The following RNF115 variants were observed in gnomAD, a reference collection of about 807,000 sequenced individuals.
RNF115 encodes ring finger protein 115, also known as E3 ubiquitin-protein ligase RNF115.
In RNF115, 31 loss-of-function variants were observed where a neutral mutation model predicts 39.2. That is an observed-to-expected ratio of 0.79 (90% CI 0.59 to 1.07). The LOEUF is 1.07. RNF115 is among the 50% of genes least tolerant of loss of function. RNF115 has a pLI of 0.00. For synonymous variants in RNF115, 124 were observed against 131.0 expected (o/e 0.95, Z 0.37); for missense variants, 384 against 381.7 (o/e 1.01, Z -0.05).
chr1:145,786,969 T>C, intron 2 of RNF115: 1 of 853,150 alleles, frequency 1.2e-6, no homozygotes, highest in Non-Finnish European at 1.7e-6. Context: ...TATTTACACA[T>C]ATAATCACCA....
At chr1:145,764,773 C>T in intron 4 of RNF115, among the ~76,000 whole-genome samples, 1 of 149,522 alleles carries the variant, frequency 6.7e-6, no homozygotes, top group Non-Finnish European at 1.5e-5. Flanking sequence ...AGCCCCCGCC[C>T]AGCCAGCCGC....
At chr1:145,792,993 A>T (rs1648748178) in intron 1 of RNF115, among the ~76,000 whole-genome samples, 1 of 152,184 alleles carries the variant, frequency 6.6e-6, no homozygotes, top group African/African-American at 2.4e-5. Flanking sequence ...CTACCCTCCC[A>T]GAAAGCTGCA....
chr1:145,780,339 G>A (rs932006784), intron 3 of RNF115, among the ~76,000 whole-genome samples: 14 of 152,134 alleles, frequency 9.2e-5, no homozygotes, highest in African/African-American at 2.9e-4. Flanking sequence ...AGTGAAACTC[G>A]GCCGGGCGCA....
intron 4 of RNF115, among the ~76,000 whole-genome samples, chr1:145,755,873 A>G (rs1658277257): frequency 6.6e-6 from 1 of 152,210 alleles, no homozygotes; most frequent in South Asian, 2.1e-4. Flanking sequence ...CATAACATGG[A>G]AAGTAGATGT....
intron 1 of RNF115, among the ~76,000 whole-genome samples, chr1:145,809,509 T>TTTTTTTTTG: frequency 8.6e-6 from 1 of 116,092 alleles, no homozygotes; most frequent in East Asian, 2.5e-4. Flanking sequence ...TTTTTTTTTT[T>TTTTTTTTTG]GGAGACAAGA....
rs782209271 is a variant in RNF115, at chr1:145,823,857, G to A, written c.17C>T (p.Ala6Val). 11 of 1,556,828 alleles carry A rather than the reference G, an allele frequency of 7.1e-6. No individual in the cohort carries two copies. Among genetic ancestry groups the A allele is most frequent in the East Asian group, 5.1e-5 (2 of 39,000 alleles). The part of the protein sequence containing the change: MAEAS[A>V]AGADSGAAVA... ...AGCGGCGCCCGAGTCCGCCCCGGCC[G>A]CCGAAGCCTCCGCCATTTTTGCCCT... Residue 6 changes from alanine to valine, a missense_variant, in exon 1 of 9, where the codon GCG becomes GTG. Ala to Val is a moderately conservative substitution (Grantham distance 64, BLOSUM62 0). Transcript: ENST00000582693.
At chr1:145,782,359 T>C (rs1385645372) in intron 3 of RNF115, among the ~76,000 whole-genome samples, 3 of 152,124 alleles carry the variant, frequency 2.0e-5, no homozygotes, top group African/African-American at 7.2e-5. Flanking sequence ...CAGTGACACC[T>C]GCCTGTAATC....
At chr1:145,799,317 C>T (rs897696541) in intron 1 of RNF115, among the ~76,000 whole-genome samples, 3 of 152,094 alleles carry the variant, frequency 2.0e-5, no homozygotes, top group Non-Finnish European at 2.9e-5. Flanking sequence ...CCGCCTGCCT[C>T]GGCCTCCCAA....
At position 145,740,466 on chromosome 1, in the gene RNF115, G is replaced by A. The variant is rs983715052; in HGVS notation, c.*6400C>T. ...GCTTATCTCGAGACTTGGTTAAACA[G>A]AAACTTAAAATACTTGTGTCTTGGC... On this transcript the variant is annotated 3_prime_UTR_variant, in exon 9 of 9. Coordinates refer to ENST00000582693, the MANE Select transcript of RNF115 (RefSeq NM_014455.4). 3 of 152,212 alleles carry A rather than the reference G, an allele frequency of 2.0e-5. No individual in the cohort carries two copies. The highest frequency in any genetic ancestry group is 6.5e-5 in the Admixed American group (1 of 15,276). 9.4% of individuals were successfully genotyped at this position (152,212 alleles called of 1,614,324 possible). A position where few individuals can be genotyped will look rare whatever the true frequency, so the allele number is the denominator to read the frequency against.
intron 2 of RNF115, among the ~76,000 whole-genome samples, chr1:145,787,960 A>G (rs1255577459): frequency 2.0e-5 from 3 of 152,226 alleles, no homozygotes; most frequent in African/African-American, 7.2e-5. Context: ...TGTAATAGTC[A>G]CTTTCAGAAA....
intron 1 of RNF115, among the ~76,000 whole-genome samples, chr1:145,800,897 C>T (rs1553720791): frequency 6.6e-6 from 1 of 152,206 alleles, no homozygotes; most frequent in East Asian, 1.9e-4. Context: ...AGGACGGGCG[C>T]AGTGGCTCAT....
At chr1:145,756,379 G>T (rs1658293739) in intron 4 of RNF115, among the ~76,000 whole-genome samples, 1 of 151,758 alleles carries the variant, frequency 6.6e-6, no homozygotes, top group Admixed American at 6.6e-5. Context: ...AGAATCACTT[G>T]AACCCAGGAC....
At chr1:145,791,909 T>C (rs781903774) in intron 1 of RNF115, among the ~76,000 whole-genome samples, 1 of 152,072 alleles carries the variant, frequency 6.6e-6, no homozygotes, top group Non-Finnish European at 1.5e-5. Context: ...CCATTTTGTT[T>C]CTTTTTTATT....
At chr1:145,759,645 A>G (rs1300607166) in intron 4 of RNF115, among the ~76,000 whole-genome samples, 1 of 152,118 alleles carries the variant, frequency 6.6e-6, no homozygotes, top group Non-Finnish European at 1.5e-5. Context: ...TGCCTCGCAC[A>G]CCTCGCAGCC....
intron 4 of RNF115, among the ~76,000 whole-genome samples, chr1:145,767,973 G>C (rs1463913267): frequency 6.6e-6 from 1 of 152,170 alleles, no homozygotes; most frequent in Non-Finnish European, 1.5e-5. Flanking sequence ...ACCATGGCAA[G>C]AGAGGGAGAG....
chr1:145,798,529 T>C (rs186920741), intron 1 of RNF115, among the ~76,000 whole-genome samples: 31 of 152,312 alleles, frequency 2.0e-4, no homozygotes, highest in Admixed American at 1.6e-3. Flanking sequence ...TATATGTCTG[T>C]TGTTATGCCA....
chr1:145,786,050 T>C (rs1398154757), intron 2 of RNF115, among the ~76,000 whole-genome samples: 1 of 152,150 alleles, frequency 6.6e-6, no homozygotes, highest in Non-Finnish European at 1.5e-5. Context: ...GATTCAAACA[T>C]CCTTGGTAAT....
chr1:145,803,984 C>T (rs781849642), intron 1 of RNF115, among the ~76,000 whole-genome samples: 3 of 152,146 alleles, frequency 2.0e-5, no homozygotes, highest in Non-Finnish European at 2.9e-5. Flanking sequence ...ACACTAAAGG[C>T]AGCAAGAAAG....
At chr1:145,815,062 C>A (rs1372804881) in intron 1 of RNF115, among the ~76,000 whole-genome samples, 1 of 152,254 alleles carries the variant, frequency 6.6e-6, no homozygotes, top group African/African-American at 2.4e-5. Context: ...TTAGAAAGGT[C>A]AGCTGAGCTT....
Sources: allele counts gnomAD v4.1 joint callset (sites outside exome capture counted in the v4.1 genomes callset), GRCh38; gene constraint gnomAD v4.1.1; transcripts MANE v1.5; gene names NCBI Gene and HGNC (gene_info 2026-07-23, HGNC 2026-07-21).